NLGN4X: variants seen among roughly 807,000 people sequenced by gnomAD.
The protein encoded by NLGN4X is neuroligin 4 X-linked, also known as neuroligin-4, X-linked.
A neutral mutation model predicts 40.3 loss-of-function variants in NLGN4X; 3 were observed. That is an observed-to-expected ratio of 0.07 (90% CI 0.03 to 0.19). The LOEUF is 0.19. Ranked by LOEUF, NLGN4X falls within the 10% of genes least tolerant of loss-of-function variation. The pLI, the probability that NLGN4X is intolerant of heterozygous loss-of-function variation, is 1.00. For missense variants in NLGN4X, 382 were observed against 708.3 expected (o/e 0.54, Z 5.23); for synonymous variants, 270 against 306.8 (o/e 0.88, Z 1.25).
chrX:6,017,972 C>T (rs2036434072), intron 3 of NLGN4X, among the ~76,000 whole-genome samples: 1 of 111,847 alleles, frequency 8.9e-6, no homozygotes, highest in Non-Finnish European at 1.9e-5. Context: ...TGACATCTTA[C>T]ATTTACAACG....
chrX:6,058,157 T>C (rs180752646), intron 2 of NLGN4X, among the ~76,000 whole-genome samples: 2 of 107,157 alleles, frequency 1.9e-5, no homozygotes, highest in East Asian at 5.6e-4. Context: ...AATTTGTGTA[T>C]ACATGCACAC....
chrX:5,944,650 C>CAAAA (rs750871231), intron 3 of NLGN4X, among the ~76,000 whole-genome samples: 6 of 25,462 alleles, frequency 2.4e-4, no homozygotes, highest in African/African-American at 5.5e-4. Context: ...GACTCTGTCT[C>CAAAA]AAAAAAAAAA....
chrX:6,067,034 A>G (rs772086473), intron 2 of NLGN4X, among the ~76,000 whole-genome samples: 10 of 111,379 alleles, frequency 9.0e-5, no homozygotes, highest in Non-Finnish European at 1.9e-4. Context: ...ACTTAAGCCC[A>G]GGAGTTCAAG....
At chrX:6,016,063 T>C (rs745729239) in intron 3 of NLGN4X, among the ~76,000 whole-genome samples, 2 of 111,652 alleles carry the variant, frequency 1.8e-5, no homozygotes, top group South Asian at 7.6e-4. Context: ...GAAAAGATAA[T>C]CCAATTAAAA....
intron 1 of NLGN4X, among the ~76,000 whole-genome samples, chrX:6,208,052 A>C (rs895046793): frequency 1.8e-5 from 2 of 112,043 alleles, no homozygotes; most frequent in Non-Finnish European, 3.8e-5. Context: ...AGTTCAGAAA[A>C]TATAACACCA....
At chrX:6,217,072 G>A (rs1925151009) in intron 1 of NLGN4X, among the ~76,000 whole-genome samples, 1 of 112,216 alleles carries the variant, frequency 8.9e-6, no homozygotes, top group African/African-American at 3.2e-5. Flanking sequence ...ATGAGCCACT[G>A]TACCCAGCCA....
chrX:5,926,746 GTC>G (rs2146845465), intron 3 of NLGN4X, among the ~76,000 whole-genome samples: 1 of 106,082 alleles, frequency 9.4e-6, no homozygotes, highest in South Asian at 4.2e-4. Context: ...ACATGCATAA[GTC>G]TCTCTCCCTA....
chrX:6,028,613 C>A (rs867654142), intron 3 of NLGN4X, among the ~76,000 whole-genome samples: 1 of 106,641 alleles, frequency 9.4e-6, no homozygotes, highest in African/African-American at 3.4e-5. Flanking sequence ...GAGCCAAGAT[C>A]GCACCACTGC....
At chrX:6,021,002 T>TTCTTTCTTTCTCTCTC (rs2036516851) in intron 3 of NLGN4X, among the ~76,000 whole-genome samples, 2 of 24,119 alleles carry the variant, frequency 8.3e-5, no homozygotes, top group Non-Finnish European at 7.4e-5. Flanking sequence ...CTTCCTTCTT[T>TTCTTTCTTTCTCTCTC]TCTCTCTCTC....
At position 6,139,264 on chromosome X, in the gene NLGN4X, G is replaced by A. The variant is rs182165478; in HGVS notation, c.472+11731C>T. The stretch of plus-strand genomic sequence containing the variant: ...GAATTTGGTAAGAATGGGACCTCAT[G>A]TTCTTTGATTTAACTTTATTCTATA... On this transcript the variant is annotated intron_variant, in intron 2 of 5. Transcript: ENST00000381095. Among the ~76,000 whole-genome samples, 828 of 111,935 alleles carry A rather than the reference G, an allele frequency of 7.4e-3. 13 individuals carry two copies. Among genetic ancestry groups the A allele is most frequent in the Non-Finnish European group, 0.011 (563 of 53,148 alleles).
intron 2 of NLGN4X, among the ~76,000 whole-genome samples, chrX:6,091,270 C>A (rs992609795): frequency 9.0e-6 from 1 of 111,484 alleles, no homozygotes; most frequent in Admixed American, 9.5e-5. Flanking sequence ...GAATACCTTG[C>A]GAGGTCAATG....
chrX:6,166,324 G>A (rs1023372542), intron 1 of NLGN4X, among the ~76,000 whole-genome samples: 2 of 110,860 alleles, frequency 1.8e-5, no homozygotes, highest in African/African-American at 3.3e-5. Flanking sequence ...TTGAACTCCT[G>A]GCCTCAAGCA....
At chrX:6,178,109 T>C (rs188741770) in intron 1 of NLGN4X, among the ~76,000 whole-genome samples, 32 of 111,644 alleles carry the variant, frequency 2.9e-4, no homozygotes, top group African/African-American at 9.8e-4. Flanking sequence ...TTCCTTATAG[T>C]AGCCCAAATG....
intron 3 of NLGN4X, among the ~76,000 whole-genome samples, chrX:6,009,868 G>A (rs2036203000): frequency 1.8e-5 from 2 of 112,408 alleles, no homozygotes; most frequent in South Asian, 7.4e-4. Context: ...AAGAGAATCT[G>A]CTCTCTGTTC....
intron 2 of NLGN4X, among the ~76,000 whole-genome samples, chrX:6,098,362 A>C (rs747693352): frequency 9.0e-6 from 1 of 111,623 alleles, no homozygotes; most frequent in Non-Finnish European, 1.9e-5. Context: ...AGGTCTTAGG[A>C]AGAAATTGAC....
chrX:5,985,487 T>C (rs961383921), intron 3 of NLGN4X, among the ~76,000 whole-genome samples: 3 of 110,859 alleles, frequency 2.7e-5, no homozygotes, highest in East Asian at 5.6e-4. Context: ...TCTTGCTATG[T>C]TCCTCAGGCT....
In NLGN4X at chrX:6,151,206, C is replaced by T. The variant is rs1479318947; in HGVS notation, c.261G>A (p.Arg87=). The part of the protein sequence containing the change: ...PYASPPTGER[R]FQPPEPPSSW... ...AGGACGGGGGTTCTGGGGGCTGAAA[C>T]CGCCTCTCTCCAGTGGGGGGTGAGG... Residue 87 remains arginine, a synonymous_variant, in exon 2 of 6, where the codon CGG becomes CGA. Coordinates refer to ENST00000381095, the MANE Select transcript of NLGN4X (RefSeq NM_181332.3). 3.3e-6 allele frequency: 4 copies of T among 1,211,343 alleles called. No individual in the cohort carries two copies. The South Asian group carries it at 5.3e-5, about 16-fold the overall frequency.
At chrX:6,194,022 T>G (rs1922820807) in intron 1 of NLGN4X, among the ~76,000 whole-genome samples, 1 of 111,637 alleles carries the variant, frequency 9.0e-6, no homozygotes, top group Non-Finnish European at 1.9e-5. Flanking sequence ...GCAAGAAAAC[T>G]TATCTCAAAA....
chrX:5,934,632 C>T (rs1350175302), intron 3 of NLGN4X, among the ~76,000 whole-genome samples: 1 of 111,908 alleles, frequency 8.9e-6, no homozygotes, highest in African/African-American at 3.2e-5. Flanking sequence ...AAGAAGAGGA[C>T]CAAGCTAGGC....
Sources: gnomAD v4.1 joint callset for allele counts (sites outside exome capture counted in the v4.1 genomes callset) on GRCh38, gnomAD v4.1.1 for gene constraint, MANE v1.5 for transcripts, NCBI Gene and HGNC (gene_info 2026-07-23, HGNC 2026-07-21) for gene names.